CATSPERB: variants seen among roughly 807,000 people sequenced by gnomAD.
CATSPERB encodes the protein cation channel sperm-associated auxiliary subunit beta.
Under a neutral mutation model 128.3 loss-of-function variants are expected in CATSPERB, and 93 were observed. The observed-to-expected ratio is 0.72, with a 90% CI of 0.61 to 0.86. The LOEUF is 0.86. CATSPERB is among the 40% of genes least tolerant of loss of function. The probability of loss-of-function intolerance (pLI) is 0.00; values close to 1 mark genes in which losing one functional copy is unlikely to be tolerated. For missense variants in CATSPERB, 1,153 were observed against 1,329.5 expected (o/e 0.87, Z 2.06); for synonymous variants, 381 against 448.8 (o/e 0.85, Z 1.91).
chr14:91,598,494 A>G (rs1177652035), intron 22 of CATSPERB, among the ~76,000 whole-genome samples: 1 of 152,216 alleles, frequency 6.6e-6, no homozygotes, highest in African/African-American at 2.4e-5. Flanking sequence ...TAGATTATTT[A>G]TGAAAACTGT....
intron 10 of CATSPERB, 151 bp downstream of exon 10, chr14:91,691,372 T>C: frequency 2.9e-6 from 1 of 348,300 alleles, no homozygotes. Context: ...TACAAATTCA[T>C]ATATATAAAA....
intron 17 of CATSPERB, 55 bp from the exon 18 acceptor site, chr14:91,625,062 C>G: frequency 9.8e-7 from 1 of 1,021,544 alleles, no homozygotes. Context: ...ATTAAATGAA[C>G]CAATTTATGA....
chr14:91,638,019 C>T (rs1894410826), intron 16 of CATSPERB, among the ~76,000 whole-genome samples: 1 of 152,152 alleles, frequency 6.6e-6, no homozygotes, highest in Non-Finnish European at 1.5e-5. Context: ...AGTTCCTGCC[C>T]TCATTCTCTA....
chr14:91,625,007 C>A lies in CATSPERB; in HGVS notation c.1743G>T (p.Gly581=). 6.4e-7 allele frequency: 1 copy of A among 1,562,440 alleles called. No individual in the cohort carries two copies. The highest frequency in any genetic ancestry group is 2.3e-5 in the East Asian group (1 of 43,798). The change falls in exon 18 of 27, where the codon GGG becomes GGT. Residue 581 remains glycine, a splice_region_variant and synonymous_variant. Transcript: ENST00000256343. ...TTCTTATGTAAGCTCTTCCAGTTTT[C>A]CTAAAAACAAATAAAACCATTAAGC... ...NIHYGKVIHS[G]KTGRAYIRKV...
At chr14:91,616,900 C>T (rs530678066) in intron 20 of CATSPERB, among the ~76,000 whole-genome samples, 1 of 152,018 alleles carries the variant, frequency 6.6e-6, no homozygotes, top group Admixed American at 6.6e-5. Flanking sequence ...GGCCACCATG[C>T]CTGGCTAATA....
intron 11 of CATSPERB, among the ~76,000 whole-genome samples, chr14:91,678,208 C>T (rs754806204): frequency 7.9e-5 from 12 of 152,188 alleles, no homozygotes; most frequent in Admixed American, 2.6e-4. Context: ...CGAGCCTACA[C>T]GTTCTGCACT....
intron 7 of CATSPERB, among the ~76,000 whole-genome samples, chr14:91,702,118 G>A (rs1449243599): frequency 1.3e-5 from 2 of 151,976 alleles, no homozygotes; most frequent in South Asian, 2.1e-4. Context: ...TCTCTCCCAT[G>A]ACTTTCATTT....
intron 15 of CATSPERB, among the ~76,000 whole-genome samples, chr14:91,645,756 G>A (rs1426029547): frequency 3.4e-5 from 5 of 146,214 alleles, no homozygotes; most frequent in African/African-American, 5.1e-5. Context: ...CTTCCCGGCT[G>A]CTTTGTTTAC....
intron 5 of CATSPERB, among the ~76,000 whole-genome samples, chr14:91,714,573 T>G (rs1264012800): frequency 6.7e-6 from 1 of 148,794 alleles, no homozygotes; most frequent in Non-Finnish European, 1.5e-5. Flanking sequence ...TTTTTTTTTT[T>G]TTTTGAGATA....
Position 91,659,910 on chromosome 14 carries a change from C to T in CATSPERB, c.1359G>A (p.Lys453=). 1 of 1,603,408 alleles carries T rather than the reference C, an allele frequency of 6.2e-7. No individual in the cohort carries two copies. The highest frequency in any genetic ancestry group is 8.5e-7 in the Non-Finnish European group (1 of 1,176,934). The change falls in exon 15 of 27, where the codon AAG becomes AAA. Residue 453 remains lysine (K), a synonymous_variant. Transcript: ENST00000256343. The part of the protein sequence containing the change: ...IANFHDDIIK[K]TFHSFYTSAI... Reference sequence around the variant, plus strand: ...CTGATGTATAAAAACTATGAAAAGTCTTCTTTATGATATCATCATGAAAGT... The same window carrying T: ...CTGATGTATAAAAACTATGAAAAGTTTTCTTTATGATATCATCATGAAAGT...
In CATSPERB at chr14:91,647,381, A is replaced by T. The variant is rs142713763; in HGVS notation, c.1433-8131T>A. Among the ~76,000 whole-genome samples the T allele has an allele frequency of 8.9e-3, 1,361 of 152,238 alleles. 16 individuals carry two copies. Among genetic ancestry groups the T allele is most frequent in the Middle Eastern group, 0.044 (13 of 294 alleles). ...CCATAACTCTTCATTAGTCCACCAA[A>T]TTCAAAGTCTAAGTTTGCAGGAATT... On this transcript the variant is annotated intron_variant, in intron 15 of 26. Coordinates refer to ENST00000256343, the MANE Select transcript of CATSPERB (RefSeq NM_024764.4).
At chr14:91,605,825 C>G (rs1893691007) in intron 22 of CATSPERB, among the ~76,000 whole-genome samples, 1 of 152,218 alleles carries the variant, frequency 6.6e-6, no homozygotes, top group Admixed American at 6.5e-5. Context: ...TCTCTCCTGA[C>G]TCACTCATAC....
At chr14:91,638,143 CA>C (rs1390036517) in intron 16 of CATSPERB, among the ~76,000 whole-genome samples, 2 of 152,128 alleles carry the variant, frequency 1.3e-5, no homozygotes, top group Non-Finnish European at 2.9e-5. Context: ...TCCTTTAAGT[CA>C]AAGGGCAGGT....
chr14:91,591,965 G>T lies in CATSPERB; in HGVS notation c.2747C>A (p.Thr916Asn). The change falls in exon 23 of 27, where the codon ACT becomes AAT. Residue 916 changes from threonine (T) to asparagine (N), a missense_variant. Coordinates refer to ENST00000256343, the MANE Select transcript of CATSPERB (RefSeq NM_024764.4). ...CTTTGTGCAGTTACACTCCTCCCGA[G>T]TGGAAACATTAGCACACTGTTTGAA... ...GKFKQCANVS[T>N]REECNCTKDQ... 1 of 1,613,954 alleles carries T rather than the reference G, an allele frequency of 6.2e-7. No individual in the cohort carries two copies. The highest frequency in any genetic ancestry group is 8.5e-7 in the Non-Finnish European group (1 of 1,179,868).
In CATSPERB at chr14:91,584,713, A is replaced by C. The variant is rs986051930; in HGVS notation, c.3132+2489T>G. 2.6e-5 allele frequency among the ~76,000 whole-genome samples: 4 copies of C among 151,756 alleles called. No individual in the cohort carries two copies. In the East Asian group the frequency reaches 5.8e-4, roughly 22 times the overall value. ...AATCCTTCCTCCCCACTCAACCCTC[A>C]CCCCTAACACTTTAAAGATGTTGTA... On this transcript the variant is annotated intron_variant, in intron 26 of 26. Transcript: ENST00000256343.
chr14:91,702,511 C>T (rs912227617), intron 7 of CATSPERB, among the ~76,000 whole-genome samples: 2 of 151,752 alleles, frequency 1.3e-5, no homozygotes, highest in African/African-American at 4.8e-5. Flanking sequence ...TATACTGATG[C>T]ATACTGTTTT....
chr14:91,656,789 C>G (rs761744601), intron 15 of CATSPERB, among the ~76,000 whole-genome samples: 2 of 151,938 alleles, frequency 1.3e-5, no homozygotes, highest in South Asian at 2.1e-4. Flanking sequence ...AAAAGACACA[C>G]ATAGACTGAA....
chr14:91,616,354 T>G (rs1263599602), intron 20 of CATSPERB, among the ~76,000 whole-genome samples: 1 of 152,206 alleles, frequency 6.6e-6, no homozygotes, highest in East Asian at 1.9e-4. Flanking sequence ...AGAAAAATGC[T>G]GAAGAGCACA....
At chr14:91,690,076 T>A (rs1895440762) in intron 10 of CATSPERB, among the ~76,000 whole-genome samples, 1 of 152,206 alleles carries the variant, frequency 6.6e-6, no homozygotes, top group African/African-American at 2.4e-5. Flanking sequence ...CACTGCAACC[T>A]CCGCCTCCTG....
Sources: allele counts gnomAD v4.1 joint callset (sites outside exome capture counted in the v4.1 genomes callset), GRCh38; gene constraint gnomAD v4.1.1; transcripts MANE v1.5; gene names NCBI Gene and HGNC (gene_info 2026-07-23, HGNC 2026-07-21).